The following TEK variants were observed in gnomAD, a reference collection of about 807,000 sequenced individuals.
TEK encodes angiopoietin-1 receptor.
TEK carries 43 observed loss-of-function variants against 131.8 expected under a neutral mutation model. The observed-to-expected ratio is 0.33, with a 90% CI of 0.26 to 0.42. The LOEUF (loss-of-function observed/expected upper bound fraction) is 0.42. TEK is among the 10% of genes least tolerant of loss of function. The probability of loss-of-function intolerance (pLI) is 1.00; values close to 1 mark genes in which losing one functional copy is unlikely to be tolerated. For missense variants in TEK, 1,162 were observed against 1,384.4 expected, an observed-to-expected ratio of 0.84 and a Z score of 2.55; for synonymous variants, 580 against 491.6, an observed-to-expected ratio of 1.18 and a Z score of -2.38.
At chr9:27,190,135 C>T (rs995572627) in intron 9 of TEK, among the ~76,000 whole-genome samples, 1 of 152,002 alleles carries the variant, frequency 6.6e-6, no homozygotes, top group African/African-American at 2.4e-5. Flanking sequence ...AAAGGAGGTT[C>T]GTGCTTTGTT....
intron 8 of TEK, among the ~76,000 whole-genome samples, chr9:27,185,210 A>G (rs188194553): frequency 9.2e-4 from 140 of 152,278 alleles, no homozygotes; most frequent in Middle Eastern, 3.4e-3. Flanking sequence ...TTTAAAAGAA[A>G]TCATGCTTCA....
At chr9:27,225,183 C>G (rs533110961) in intron 21 of TEK, among the ~76,000 whole-genome samples, 6 of 152,122 alleles carry the variant, frequency 3.9e-5, no homozygotes, top group Non-Finnish European at 7.4e-5. Context: ...CCACACTGCC[C>G]AGTGTTATCC....
chr9:27,193,751 G>T (rs1007876392), intron 11 of TEK, among the ~76,000 whole-genome samples: 94 of 152,278 alleles, frequency 6.2e-4, no homozygotes, highest in African/African-American at 2.2e-3. Flanking sequence ...GAAAAGTAGA[G>T]ACTCAGAGTA....
chr9:27,195,904 T>C (rs183989558), intron 11 of TEK, among the ~76,000 whole-genome samples: 187 of 152,336 alleles, frequency 1.2e-3, no homozygotes, highest in African/African-American at 4.2e-3. Flanking sequence ...ACCCATATTG[T>C]TTCTATTCAG....
At chr9:27,143,033 C>T (rs1036749691) in intron 1 of TEK, among the ~76,000 whole-genome samples, 1 of 152,192 alleles carries the variant, frequency 6.6e-6, no homozygotes, top group Non-Finnish European at 1.5e-5. Flanking sequence ...GCACACTGCT[C>T]TTTAAAGAGC....
At chr9:27,137,809 T>TC (rs1491577849) in intron 1 of TEK, among the ~76,000 whole-genome samples, 7 of 151,978 alleles carry the variant, frequency 4.6e-5, no homozygotes, top group South Asian at 2.1e-4. Context: ...GTTTATTTTT[T>TC]CTCTCTGCCT....
At chr9:27,164,487 T>A (rs1476937847) in intron 2 of TEK, among the ~76,000 whole-genome samples, 1 of 151,888 alleles carries the variant, frequency 6.6e-6, no homozygotes, top group Admixed American at 6.6e-5. Flanking sequence ...GCCCGGCTAA[T>A]TTTTTGTATT....
At chr9:27,147,193 G>C (rs533753404) in intron 1 of TEK, among the ~76,000 whole-genome samples, 17 of 152,238 alleles carry the variant, frequency 1.1e-4, no homozygotes, top group African/African-American at 4.1e-4. Context: ...CAATGGATGA[G>C]AATTGCAGTT....
intron 18 of TEK, among the ~76,000 whole-genome samples, chr9:27,215,364 G>C (rs1825782529): frequency 6.6e-6 from 1 of 152,132 alleles, no homozygotes; most frequent in Admixed American, 6.5e-5. Flanking sequence ...CAAGTTCCCT[G>C]CAAGAAAGGT....
At chr9:27,140,419 C>T (rs1018066648) in intron 1 of TEK, among the ~76,000 whole-genome samples, 1 of 142,890 alleles carries the variant, frequency 7.0e-6, no homozygotes. Flanking sequence ...AAAAAAGAAA[C>T]ATTAATCTCT....
chr9:27,173,091 T>C, intron 5 of TEK, 131 bp from the exon 6 acceptor site: 1 of 1,242,928 alleles, frequency 8.0e-7, no homozygotes, highest in Non-Finnish European at 1.2e-6. Context: ...GGTATGTTCA[T>C]CCTACCATGC....
chr9:27,124,272 G>A (rs560037462), intron 1 of TEK, among the ~76,000 whole-genome samples: 1 of 152,216 alleles, frequency 6.6e-6, no homozygotes, highest in Non-Finnish European at 1.5e-5. Context: ...GCTCATTCAA[G>A]GTTCAGCTGA....
chr9:27,177,793 T>C (rs1824225754), intron 6 of TEK, among the ~76,000 whole-genome samples: 1 of 152,180 alleles, frequency 6.6e-6, no homozygotes, highest in Non-Finnish European at 1.5e-5. Flanking sequence ...TCAGGTCCTT[T>C]GTCCATTTTT....
chr9:27,133,054 A>G (rs6475963), intron 1 of TEK, among the ~76,000 whole-genome samples: 79,588 of 152,114 alleles, frequency 0.52, 21,838 homozygotes, highest in African/African-American at 0.57. Context: ...GAGAGATCTC[A>G]TGGAAAGTAA....
chr9:27,183,550 C>A lies in TEK; in HGVS notation c.1122C>A (p.Gly374=), dbSNP rs765409556. ...GKFNPICKAS[G]WPLPTNEEMT... ...TTAATCCCATTTGCAAAGCTTCTGG[C>A]TGGCCGCTACCTACTAATGAAGAAA... is the stretch of plus-strand genomic sequence containing the variant. The change falls in exon 8 of 23, where the codon GGC becomes GGA. Residue 374 remains glycine (G), a synonymous_variant. Transcript: ENST00000380036. 1.2e-6 allele frequency: 2 copies of A among 1,613,924 alleles called. No homozygotes were observed. Among genetic ancestry groups the A allele is most frequent in the Non-Finnish European group, 1.7e-6 (2 of 1,179,852 alleles).
intron 4 of TEK, among the ~76,000 whole-genome samples, chr9:27,170,746 G>C (rs941460042): frequency 5.9e-5 from 9 of 152,164 alleles, no homozygotes; most frequent in Non-Finnish European, 8.8e-5. Context: ...CTCAGCTTCA[G>C]CAATGTTTCT....
chr9:27,191,689 T>A (rs1444799931), intron 10 of TEK, among the ~76,000 whole-genome samples: 2 of 152,160 alleles, frequency 1.3e-5, no homozygotes, highest in Non-Finnish European at 2.9e-5. Flanking sequence ...GTCCTTCACA[T>A]ACTATTGTAG....
At chr9:27,160,021 T>G (rs1163049927) in intron 2 of TEK, among the ~76,000 whole-genome samples, 1 of 142,868 alleles carries the variant, frequency 7.0e-6, no homozygotes, top group Non-Finnish European at 1.5e-5. Flanking sequence ...TTTTTTTTTT[T>G]TTTTTTTTTT....
chr9:27,177,621 A>C (rs1228958702), intron 6 of TEK, among the ~76,000 whole-genome samples: 1 of 152,182 alleles, frequency 6.6e-6, no homozygotes, highest in African/African-American at 2.4e-5. Flanking sequence ...ACGGTGGTGC[A>C]TGCCTTTAAT....
Sources: gnomAD v4.1 joint callset for allele counts (sites outside exome capture counted in the v4.1 genomes callset) on GRCh38, gnomAD v4.1.1 for gene constraint, MANE v1.5 for transcripts, NCBI Gene and HGNC (gene_info 2026-07-23, HGNC 2026-07-21) for gene names.